CCDC73: variants seen among roughly 807,000 people sequenced by gnomAD.
CCDC73 encodes coiled-coil domain-containing protein 73.
In CCDC73, 95 loss-of-function variants were observed where a neutral mutation model predicts 116.5. The ratio of observed to expected loss-of-function variants is 0.82; its 90% CI spans 0.69 to 0.97. The LOEUF is 0.97. Among genes scored for constraint, CCDC73 ranks in the 50% least tolerant of loss-of-function variants. The probability of loss-of-function intolerance (pLI) is 0.00; values close to 1 mark genes in which losing one functional copy is unlikely to be tolerated. For missense variants in CCDC73, 1,066 were observed against 1,206.8 expected, an observed-to-expected ratio of 0.88 and a Z score of 1.73; for synonymous variants, 398 against 401.3, an observed-to-expected ratio of 0.99 and a Z score of 0.10.
At chr11:32,764,864 G>A (rs1047846318) in intron 1 of CCDC73, among the ~76,000 whole-genome samples, 3 of 152,122 alleles carry the variant, frequency 2.0e-5, no homozygotes, top group Non-Finnish European at 4.4e-5. Flanking sequence ...GTATTCAGGA[G>A]ACCCATCTCA....
chr11:32,649,920 A>G (rs1308907642), intron 12 of CCDC73, among the ~76,000 whole-genome samples: 3 of 152,218 alleles, frequency 2.0e-5, no homozygotes, highest in Non-Finnish European at 2.9e-5. Context: ...TTAAAATTTT[A>G]GTTTTATAAA....
At chr11:32,718,042 G>A (rs1385085982) in intron 3 of CCDC73, 34 bp downstream of exon 3, 4 of 1,436,632 alleles carry the variant, frequency 2.8e-6, no homozygotes, top group Non-Finnish European at 3.9e-6. Flanking sequence ...GATGAGATTT[G>A]GCTGGGGACA....
the CCDC73 span, among the ~76,000 whole-genome samples, chr11:32,827,200 ATAAAAT>A: frequency 6.6e-6 from 1 of 152,266 alleles, no homozygotes; most frequent in East Asian, 1.9e-4. Flanking sequence ...ATGGCACAAA[ATAAAAT>A]TAATACAGCA....
At chr11:32,744,800 T>C (rs1850219989) in intron 2 of CCDC73, among the ~76,000 whole-genome samples, 2 of 152,228 alleles carry the variant, frequency 1.3e-5, no homozygotes, top group South Asian at 4.1e-4. Context: ...TTCTCTCTTT[T>C]CTTCATTAGT....
At chr11:32,830,410 G>A in the CCDC73 span, 1 of 1,044,054 alleles carries the variant, frequency 9.6e-7, no homozygotes, top group Admixed American at 3.7e-5. Context: ...CTTGCGCCTA[G>A]GCTTTGAGTA....
At chr11:32,661,243 CCTTTT>C (rs1414998413) in intron 9 of CCDC73, among the ~76,000 whole-genome samples, 1 of 151,974 alleles carries the variant, frequency 6.6e-6, no homozygotes, top group East Asian at 1.9e-4. Context: ...AAAAATGTCC[CCTTTT>C]ATTTTTTTAA....
chr11:32,631,598 G>GAAGGA (rs1192669056), intron 14 of CCDC73, among the ~76,000 whole-genome samples: 2 of 150,848 alleles, frequency 1.3e-5, no homozygotes, highest in Non-Finnish European at 3.0e-5. Flanking sequence ...GGAAGGAAAG[G>GAAGGA]AAGGAAAGGA....
intron 2 of CCDC73, among the ~76,000 whole-genome samples, chr11:32,734,793 C>T (rs923504656): frequency 3.3e-5 from 5 of 152,152 alleles, no homozygotes; most frequent in Non-Finnish European, 7.4e-5. Context: ...AAACCGAATC[C>T]AGCAGCACAT....
At chr11:32,707,573 A>G (rs1849866443) in intron 3 of CCDC73, among the ~76,000 whole-genome samples, 1 of 152,114 alleles carries the variant, frequency 6.6e-6, no homozygotes. Flanking sequence ...CTTGCATAAT[A>G]TGGGGACAAG....
intron 9 of CCDC73, among the ~76,000 whole-genome samples, chr11:32,667,106 G>A (rs1855991606): frequency 6.6e-6 from 1 of 152,218 alleles, no homozygotes. Flanking sequence ...GCTACTCGGA[G>A]GTCAGGGACC....
At chr11:32,826,817 A>C in the CCDC73 span, among the ~76,000 whole-genome samples, 1 of 152,144 alleles carries the variant, frequency 6.6e-6, no homozygotes, top group Non-Finnish European at 1.5e-5. Context: ...CTGTGAGAAC[A>C]CTTAAAATGC....
intron 9 of CCDC73, among the ~76,000 whole-genome samples, chr11:32,663,002 G>A (rs1855945290): frequency 1.3e-5 from 2 of 152,086 alleles, no homozygotes; most frequent in African/African-American, 2.4e-5. Flanking sequence ...GGTTGTAGAT[G>A]TGTGGTATTA....
the CCDC73 span, among the ~76,000 whole-genome samples, chr11:32,819,097 G>A: frequency 2.0e-5 from 3 of 151,132 alleles, no homozygotes; most frequent in Admixed American, 6.6e-5. Context: ...ATTAAAAAAT[G>A]TTTTTTATAT....
chr11:32,823,637 AAGT>A, the CCDC73 span, among the ~76,000 whole-genome samples: 1 of 152,124 alleles, frequency 6.6e-6, no homozygotes, highest in Non-Finnish European at 1.5e-5. Flanking sequence ...GAAAAAAAAA[AAGT>A]AGAAGTTCTG....
chr11:32,791,690 T>C (rs1184654751), intron 1 of CCDC73, among the ~76,000 whole-genome samples: 1 of 152,200 alleles, frequency 6.6e-6, no homozygotes, highest in Non-Finnish European at 1.5e-5. Flanking sequence ...TGGTGGCTAA[T>C]GCCTGCAATC....
chr11:32,667,705 C>A (rs1047027718), intron 9 of CCDC73, among the ~76,000 whole-genome samples: 3 of 152,218 alleles, frequency 2.0e-5, no homozygotes, highest in Admixed American at 2.0e-4. Flanking sequence ...ATGAGATGAA[C>A]CTGGTACCTC....
the CCDC73 span, among the ~76,000 whole-genome samples, chr11:32,826,558 C>T: frequency 1.3e-5 from 2 of 149,970 alleles, no homozygotes; most frequent in Non-Finnish European, 2.9e-5. Flanking sequence ...AATCCAAGTC[C>T]ATTAATCTCA....
chr11:32,795,057 G>A (rs1470066577), upstream of CCDC73, among the ~76,000 whole-genome samples: 1 of 152,132 alleles, frequency 6.6e-6, no homozygotes, highest in Non-Finnish European at 1.5e-5. Context: ...TATTACCTGT[G>A]GGGAGCAATG....
intron 1 of CCDC73, among the ~76,000 whole-genome samples, chr11:32,776,364 C>G (rs910224886): frequency 3.2e-4 from 49 of 152,144 alleles, no homozygotes; most frequent in African/African-American, 1.2e-3. Flanking sequence ...TCAAAGAGTT[C>G]TTTTTGTATA....
Sources: allele counts gnomAD v4.1 joint callset (sites outside exome capture counted in the v4.1 genomes callset), GRCh38; gene constraint gnomAD v4.1.1; transcripts MANE v1.5; gene names NCBI Gene and HGNC (gene_info 2026-07-23, HGNC 2026-07-21).